Variants in CFAP107 observed in about 807,000 individuals in gnomAD.
CFAP107 encodes cilia- and flagella-associated protein 107.
chr1:12,753,324 T>C, the CFAP107 span: 46 of 150,322 alleles, frequency 3.1e-4, no homozygotes, highest in African/African-American at 1.1e-3. Context: ...GCAATCATTA[T>C]CAAAACCCCA....
the CFAP107 span, among the ~76,000 whole-genome samples, chr1:12,748,752 G>A: frequency 6.6e-6 from 1 of 152,052 alleles, no homozygotes; most frequent in Non-Finnish European, 1.5e-5. Flanking sequence ...AAGCATCAAG[G>A]TACTAGTCAA....
the CFAP107 span, among the ~76,000 whole-genome samples, chr1:12,747,845 G>GAGA: frequency 6.6e-6 from 1 of 152,164 alleles, no homozygotes; most frequent in East Asian, 1.9e-4. Flanking sequence ...CTCACACCTA[G>GAGA]AGAAGATTGC....
chr1:12,759,913 T>C, the CFAP107 span, among the ~76,000 whole-genome samples: 1 of 152,110 alleles, frequency 6.6e-6, no homozygotes, highest in Admixed American at 6.5e-5. Flanking sequence ...CATTAAAAAG[T>C]AAGAACACTT....
the CFAP107 span, among the ~76,000 whole-genome samples, chr1:12,753,058 TTG>T: frequency 6.6e-6 from 1 of 152,198 alleles, no homozygotes; most frequent in African/African-American, 2.4e-5. Context: ...CAAAAGTTGA[TTG>T]TGTTTGTAAA....
the CFAP107 span, chr1:12,763,395 G>C: frequency 6.6e-6 from 1 of 152,134 alleles, no homozygotes; most frequent in Non-Finnish European, 1.5e-5. Context: ...GATGAATGAA[G>C]ACCTGGCCTG....
the CFAP107 span, among the ~76,000 whole-genome samples, chr1:12,757,073 C>A: frequency 6.6e-6 from 1 of 152,210 alleles, no homozygotes; most frequent in Admixed American, 6.5e-5. Context: ...GCATTAAAGA[C>A]ACAAATGAAT....
the CFAP107 span, chr1:12,746,363 C>G: frequency 7.5e-7 from 1 of 1,333,170 alleles, no homozygotes; most frequent in Non-Finnish European, 1.1e-6. Flanking sequence ...AACTTCATAA[C>G]ACCTTCCTCT....
At chr1:12,746,303 G>T in the CFAP107 span, 2 of 598,476 alleles carry the variant, frequency 3.3e-6, no homozygotes, top group African/African-American at 1.9e-5. Flanking sequence ...TCATCTACTA[G>T]CCATTCAGGA....
chr1:12,754,455 C>CA, the CFAP107 span, among the ~76,000 whole-genome samples: 1 of 151,766 alleles, frequency 6.6e-6, no homozygotes, highest in South Asian at 2.1e-4. Context: ...TGGGAGTTCC[C>CA]AAAAAAAATT....
chr1:12,757,738 G>A, the CFAP107 span, among the ~76,000 whole-genome samples: 2 of 151,990 alleles, frequency 1.3e-5, no homozygotes, highest in African/African-American at 4.8e-5. Context: ...GTGGGATGGG[G>A]CCCTGAACAT....
chr1:12,755,588 T>C, the CFAP107 span: 7,569 of 749,028 alleles, frequency 0.01, 71 homozygotes, highest in Middle Eastern at 0.015. Flanking sequence ...TCCAGGGGTT[T>C]ATATTTACCT....
chr1:12,750,889 CAT>C, the CFAP107 span, among the ~76,000 whole-genome samples: 1 of 151,612 alleles, frequency 6.6e-6, no homozygotes, highest in Non-Finnish European at 1.5e-5. Context: ...CAGGATATAC[CAT>C]ATGTTAGACT....
At chr1:12,746,730 T>C in the CFAP107 span, among the ~76,000 whole-genome samples, 2 of 152,066 alleles carry the variant, frequency 1.3e-5, no homozygotes, top group East Asian at 3.8e-4. Flanking sequence ...GCATTTTGCA[T>C]GGTTTCTATG....
chr1:12,747,353 G>A, the CFAP107 span, among the ~76,000 whole-genome samples: 9,935 of 152,192 alleles, frequency 0.065, 339 homozygotes, highest in Middle Eastern at 0.11. Context: ...ACAGGCATGA[G>A]CCACTGTGCC....
At chr1:12,758,282 G>A in the CFAP107 span, among the ~76,000 whole-genome samples, 16 of 152,120 alleles carry the variant, frequency 1.1e-4, no homozygotes, top group African/African-American at 3.9e-4. Flanking sequence ...AAAATCCCAG[G>A]CATACAGTAA....
the CFAP107 span, chr1:12,755,870 G>C: frequency 1.6e-6 from 2 of 1,214,450 alleles, no homozygotes; most frequent in Non-Finnish European, 2.4e-6. Context: ...AAGCTCAGGG[G>C]ACACCAGCCA....
At chr1:12,750,186 T>C in the CFAP107 span, among the ~76,000 whole-genome samples, 1 of 152,192 alleles carries the variant, frequency 6.6e-6, no homozygotes, top group South Asian at 2.1e-4. Flanking sequence ...AACTGTAGGA[T>C]ATTGTGTATA....
At chr1:12,761,053 A>T in the CFAP107 span, 1 of 1,193,062 alleles carries the variant, frequency 8.4e-7, no homozygotes, top group African/African-American at 1.5e-5. Context: ...AGAGTACGAG[A>T]TCTGGCCCGT....
chr1:12,753,039 C>T, the CFAP107 span, among the ~76,000 whole-genome samples: 8 of 152,034 alleles, frequency 5.3e-5, no homozygotes, highest in African/African-American at 1.7e-4. Context: ...ATGAGTTAAG[C>T]AAAGTATGCA....
Sources: gnomAD v4.1 joint callset for allele counts (sites outside exome capture counted in the v4.1 genomes callset) on GRCh38, gnomAD v4.1.1 for gene constraint, MANE v1.5 for transcripts, NCBI Gene and HGNC (gene_info 2026-07-23, HGNC 2026-07-21) for gene names.